Variants in TRIO observed in about 807,000 individuals in gnomAD.
TRIO encodes the protein triple functional domain protein.
Under a neutral mutation model 351.9 loss-of-function variants are expected in TRIO, and 58 were observed. That is an observed-to-expected ratio of 0.16 (90% CI 0.13 to 0.21). The LOEUF is 0.21. Ranked by LOEUF, TRIO falls within the 10% of genes least tolerant of loss-of-function variation. The pLI is 1.00. For missense variants in TRIO, 3,201 were observed against 4,027.8 expected (o/e 0.79, Z 5.56); for synonymous variants, 1,758 against 1,595.7 (o/e 1.10, Z -2.42).
At chr5:14,406,816 G>A (rs1195604532) in intron 33 of TRIO, 144 bp downstream of exon 33, 10 of 756,342 alleles carry the variant, frequency 1.3e-5, no homozygotes, top group Non-Finnish European at 2.2e-5. Flanking sequence ...AGGATCCCGT[G>A]GTGGGGCAGA....
intron 48 of TRIO, chr5:14,489,057 C>G (rs776800016): frequency 3.9e-6 from 3 of 765,132 alleles, no homozygotes; most frequent in Admixed American, 1.7e-5. Flanking sequence ...GTAACACTTT[C>G]CTGAAGGCAT....
intron 1 of TRIO, among the ~76,000 whole-genome samples, chr5:14,146,554 A>G (rs1320653449): frequency 6.6e-6 from 1 of 152,238 alleles, no homozygotes; most frequent in African/African-American, 2.4e-5. Context: ...AGAAGACTTT[A>G]ATAGAACTTT....
rs1311617275 is a variant in TRIO, at chr5:14,487,699, C to T, written c.7071C>T (p.Ala2357=). The change falls in exon 48 of 57, where the codon GCC becomes GCT. Residue 2357 remains alanine (A), a synonymous_variant. Transcript: ENST00000344204. ...HHPPVLVSSA[A]SSQAEADKMS... ...CCCCCGTGCTGGTCTCCTCTGCAGC[C>T]TCGAGCCAGGCAGAGGCAGACAAGA... 1 of 1,441,662 alleles carries T rather than the reference C, an allele frequency of 6.9e-7. No individual in the cohort carries two copies. Among genetic ancestry groups the T allele is most frequent in the Non-Finnish European group, 9.2e-7 (1 of 1,087,990 alleles). The allele number at this position is 1,441,662 out of a possible 1,614,324, so 89.3% of individuals were successfully genotyped here.
At chr5:14,261,154 A>T (rs1795318157) in intron 1 of TRIO, among the ~76,000 whole-genome samples, 1 of 152,152 alleles carries the variant, frequency 6.6e-6, no homozygotes, top group Non-Finnish European at 1.5e-5. Flanking sequence ...CAAATTTTAA[A>T]CCCAAATCGT....
chr5:14,275,951 CAT>C (rs1191851944), intron 2 of TRIO, among the ~76,000 whole-genome samples: 1 of 142,734 alleles, frequency 7.0e-6, no homozygotes, highest in Non-Finnish European at 1.5e-5. Context: ...TATATATATA[CAT>C]ATATATACAT....
intron 53 of TRIO, among the ~76,000 whole-genome samples, chr5:14,500,317 G>A (rs1004289084): frequency 6.6e-6 from 1 of 152,170 alleles, no homozygotes; most frequent in Non-Finnish European, 1.5e-5. Flanking sequence ...GGCTATTCCT[G>A]CACCCACAAG....
chr5:14,366,715 C>CT, intron 15 of TRIO, 145 bp from the exon 16 acceptor site: 1 of 1,223,618 alleles, frequency 8.2e-7, no homozygotes, highest in Non-Finnish European at 1.1e-6. Context: ...AGGCTGTTGC[C>CT]TGGATTTTAG....
chr5:14,300,709 A>G (rs904808052), intron 7 of TRIO, among the ~76,000 whole-genome samples: 1 of 152,140 alleles, frequency 6.6e-6, no homozygotes, highest in African/African-American at 2.4e-5. Flanking sequence ...TATTGTCCTG[A>G]TAATCTGTAT....
intron 37 of TRIO, among the ~76,000 whole-genome samples, chr5:14,470,890 G>T (rs143370664): frequency 2.2e-4 from 33 of 152,254 alleles, no homozygotes; most frequent in African/African-American, 7.0e-4. Context: ...GGGAATGCAG[G>T]TACCATGTCC....
chr5:14,385,442 C>T (rs1746457315), intron 21 of TRIO, among the ~76,000 whole-genome samples: 1 of 152,208 alleles, frequency 6.6e-6, no homozygotes. Flanking sequence ...CAGGCGAGGA[C>T]TTTAGTTCTG....
At chr5:14,505,160 T>C (rs1757581927) in intron 55 of TRIO, among the ~76,000 whole-genome samples, 1 of 152,228 alleles carries the variant, frequency 6.6e-6, no homozygotes, top group South Asian at 2.1e-4. Context: ...GAAAATAATT[T>C]AGTCACGTCA....
In TRIO at chr5:14,280,224, AG is replaced by A. The variant is rs1281786594; in HGVS notation, c.233-97del. Reference sequence around the variant, plus strand: ...ACTTCTGCCCTGTGCAAATTTGTGTAGTTGCTTTAGGAATAATTTTGACAGA... The same window carrying A: ...ACTTCTGCCCTGTGCAAATTTGTGTATTGCTTTAGGAATAATTTTGACAGA... On this transcript the variant is annotated intron_variant, in intron 2 of 56. Transcript: ENST00000344204. 6 of 1,127,318 alleles carry A rather than the reference AG, an allele frequency of 5.3e-6. No homozygotes were observed. In the African/African-American group the frequency reaches 9.2e-5, roughly 17 times the overall value. 69.8% of individuals were successfully genotyped at this position (1,127,318 alleles called of 1,614,324 possible).
intron 1 of TRIO, among the ~76,000 whole-genome samples, chr5:14,269,369 G>A (rs554239161): frequency 5.3e-5 from 8 of 152,332 alleles, no homozygotes; most frequent in South Asian, 2.1e-4. Flanking sequence ...TATTCCTCCC[G>A]AAGATGTTGA....
rs1323219369 is a variant in TRIO, at chr5:14,479,315, C to T, written c.6208C>T (p.His2070Tyr). The change falls in exon 42 of 57, where the codon CAC becomes TAC. Residue 2070 changes from histidine to tyrosine, a missense_variant. His to Tyr is a moderately conservative substitution (Grantham distance 83). Transcript: ENST00000344204. Reference protein sequence around the residue: ...AYCQNKPKSEHIVSEYIDTFF... With the variant: ...AYCQNKPKSEYIVSEYIDTFF... ...TTGTCAAAATAAACCAAAGTCTGAG[C>T]ACATTGTCTCAGAATACATTGATAC... The T allele has an allele frequency of 6.2e-7, 1 of 1,613,672 alleles. No homozygotes were observed. Among genetic ancestry groups the T allele is most frequent in the Admixed American group, 1.7e-5 (1 of 59,948 alleles).
rs375307800 is a variant in TRIO at position 14,405,994 on chromosome 5, C to T, written c.4859+4C>T. On this transcript the variant is annotated splice_donor_region_variant and intron_variant, in intron 32 of 56. Transcript: ENST00000344204. ...CCACAAGACAGAAGGGAAGGAGGTG[C>T]GTGTCTGGGCGCCACTGGAGGTTTG... 2.2e-5 allele frequency: 35 copies of T among 1,612,060 alleles called. No homozygotes were observed. The highest frequency in any genetic ancestry group is 2.8e-5 in the Non-Finnish European group (33 of 1,179,172).
chr5:14,338,441 C>A (rs1182730899), intron 11 of TRIO, among the ~76,000 whole-genome samples: 1 of 152,216 alleles, frequency 6.6e-6, no homozygotes, highest in Non-Finnish European at 1.5e-5. Flanking sequence ...TGGTTAGCCG[C>A]TCTCCCTTGC....
intron 1 of TRIO, among the ~76,000 whole-genome samples, chr5:14,196,618 T>C (rs192530621): frequency 1.4e-4 from 21 of 152,240 alleles, no homozygotes; most frequent in Non-Finnish European, 2.1e-4. Flanking sequence ...CTTCAGAAGC[T>C]GGGAAGTCAT....
At chr5:14,295,020 G>A (rs1032011402) in intron 6 of TRIO, among the ~76,000 whole-genome samples, 6 of 151,934 alleles carry the variant, frequency 3.9e-5, no homozygotes, top group African/African-American at 7.3e-5. Context: ...CGGGTAGCTC[G>A]GTGCCATGAA....
chr5:14,317,719 C>T (rs1739493244), intron 9 of TRIO, among the ~76,000 whole-genome samples: 1 of 152,150 alleles, frequency 6.6e-6, no homozygotes, highest in African/African-American at 2.4e-5. Context: ...GGGCCAGGTG[C>T]GGTGGCTCAC....
Sources: gnomAD v4.1 joint callset for allele counts (sites outside exome capture counted in the v4.1 genomes callset) on GRCh38, gnomAD v4.1.1 for gene constraint, MANE v1.5 for transcripts, NCBI Gene and HGNC (gene_info 2026-07-23, HGNC 2026-07-21) for gene names.